STPG4: variants seen among roughly 807,000 people sequenced by gnomAD.
The protein encoded by STPG4 is sperm-tail PG-rich repeat containing 4, also known as protein STPG4.
STPG4 carries 41 observed loss-of-function variants against 31.5 expected under a neutral mutation model. The observed-to-expected ratio is 1.30, with a 90% CI of 1.01 to 1.69. STPG4 has a LOEUF of 1.69. STPG4 is among the 40% of genes most tolerant of loss of function. The probability of loss-of-function intolerance (pLI) is 0.00; values close to 1 mark genes in which losing one functional copy is unlikely to be tolerated. For synonymous variants in STPG4, 141 were observed against 103.0 expected, an observed-to-expected ratio of 1.37 and a Z score of -2.24; for missense variants, 375 against 293.4, an observed-to-expected ratio of 1.28 and a Z score of -2.03.
intron 3 of STPG4, among the ~76,000 whole-genome samples, chr2:47,130,817 A>AT (rs928508864): frequency 1.9e-4 from 28 of 150,632 alleles, no homozygotes; most frequent in African/African-American, 4.4e-4. Context: ...GCCCAGCCAC[A>AT]TTTTTTTTTC....
In STPG4 at chr2:47,151,250, C is replaced by G. The variant is rs201285755; in HGVS notation, c.399+8G>C. ...CCCACACAAAGCAATCTGCCAGTAGCGCTTTACCTGATCTTTGTCAACTAG... is the reference window on the plus strand; with the variant it reads ...CCCACACAAAGCAATCTGCCAGTAGGGCTTTACCTGATCTTTGTCAACTAG... On this transcript the variant is annotated splice_region_variant and intron_variant, in intron 3 of 6. Transcript: ENST00000445927. The G allele has an allele frequency of 1.2e-6, 2 of 1,613,792 alleles. No individual in the cohort carries two copies. The highest frequency in any genetic ancestry group is 1.7e-5 in the Admixed American group (1 of 59,988).
At chr2:47,134,368 T>A (rs555237942) in intron 3 of STPG4, among the ~76,000 whole-genome samples, 1 of 152,184 alleles carries the variant, frequency 6.6e-6, no homozygotes, top group South Asian at 2.1e-4. Flanking sequence ...TATCCCTCCC[T>A]CCCCTCAACC....
intron 5 of STPG4, among the ~76,000 whole-genome samples, chr2:47,109,791 T>C (rs1196678292): frequency 6.6e-6 from 1 of 152,176 alleles, no homozygotes. Context: ...AACTATCAGC[T>C]TAGTTTTTAA....
intron 5 of STPG4, among the ~76,000 whole-genome samples, chr2:47,124,085 C>G (rs1686321497): frequency 6.6e-6 from 1 of 152,108 alleles, no homozygotes; most frequent in African/African-American, 2.4e-5. Context: ...CAGGTTCTAG[C>G]AATTCTCCTG....
intron 5 of STPG4, among the ~76,000 whole-genome samples, chr2:47,096,790 A>C (rs146947247): frequency 6.6e-6 from 1 of 152,246 alleles, no homozygotes; most frequent in East Asian, 1.9e-4. Flanking sequence ...CAGGGTGCCT[A>C]CAATCTAGTT....
Position 47,152,994 on chromosome 2 carries a change from G to A in STPG4, c.104C>T (p.Ser35Phe). 1 of 1,612,136 alleles carries A rather than the reference G, an allele frequency of 6.2e-7. No homozygotes were observed. Among genetic ancestry groups the A allele is most frequent in the African/African-American group, 1.3e-5 (1 of 75,000 alleles). The change falls in exon 2 of 7, where the codon TCT becomes TTT. Residue 35 changes from serine (S) to phenylalanine (F), a missense_variant. Physicochemically the swap from Ser to Phe is radical, Grantham distance 155. Transcript: ENST00000445927. ...TASKPAQKTS[S>F]FEREGWWRIA... is the part of the protein sequence containing the mutation. ...TCTCCACCATCCTTCTCTTTCAAAA[G>A]AGGAAGTCTTTTGGGCTGGTTTCTG...
intron 5 of STPG4, among the ~76,000 whole-genome samples, chr2:47,125,357 G>A (rs1686344982): frequency 6.6e-6 from 1 of 152,118 alleles, no homozygotes; most frequent in Non-Finnish European, 1.5e-5. Flanking sequence ...GGAGGTCGAG[G>A]CTGCAGTGAG....
At chr2:47,096,683 A>G (rs1019573425) in intron 5 of STPG4, among the ~76,000 whole-genome samples, 4 of 152,250 alleles carry the variant, frequency 2.6e-5, no homozygotes, top group Admixed American at 1.3e-4. Context: ...TTAAAAAGTC[A>G]AATCCACAAA....
At chr2:47,145,504 A>G (rs1341680044) in intron 3 of STPG4, among the ~76,000 whole-genome samples, 1 of 152,238 alleles carries the variant, frequency 6.6e-6, no homozygotes, top group Admixed American at 6.5e-5. Context: ...TTTGAGTTGT[A>G]CCAGACTGGT....
At chr2:47,134,140 C>T (rs1686546948) in intron 3 of STPG4, among the ~76,000 whole-genome samples, 1 of 152,006 alleles carries the variant, frequency 6.6e-6, no homozygotes, top group Non-Finnish European at 1.5e-5. Context: ...TCTTTGCTCC[C>T]ACACATGCGT....
chr2:47,092,337 C>CA (rs1280849642), intron 5 of STPG4, among the ~76,000 whole-genome samples: 4 of 148,276 alleles, frequency 2.7e-5, no homozygotes, highest in Non-Finnish European at 6.0e-5. Flanking sequence ...CAAGACCAGC[C>CA]TGGGCAACAT....
chr2:47,126,234 G>A (rs1005340059), intron 5 of STPG4, among the ~76,000 whole-genome samples: 7 of 151,948 alleles, frequency 4.6e-5, no homozygotes, highest in African/African-American at 1.7e-4. Flanking sequence ...TTAAGTTTTA[G>A]GGTTCTTTCT....
chr2:47,140,287 G>C (rs1686676911), intron 3 of STPG4, among the ~76,000 whole-genome samples: 1 of 152,124 alleles, frequency 6.6e-6, no homozygotes, highest in Admixed American at 6.5e-5. Context: ...GGCAGGCCTT[G>C]TTAGTAAGAG....
chr2:47,094,029 G>A (rs1232249778), intron 5 of STPG4, among the ~76,000 whole-genome samples: 1 of 152,142 alleles, frequency 6.6e-6, no homozygotes, highest in African/African-American at 2.4e-5. Flanking sequence ...AAAACAAGAG[G>A]GACATTTGAA....
intron 5 of STPG4, among the ~76,000 whole-genome samples, chr2:47,105,190 C>G (rs1685885596): frequency 6.6e-6 from 1 of 151,942 alleles, no homozygotes; most frequent in African/African-American, 2.4e-5. Context: ...CGGGATAGCT[C>G]TTGGAGTCCT....
intron 5 of STPG4, among the ~76,000 whole-genome samples, chr2:47,107,811 C>CTG (rs1234727266): frequency 6.6e-6 from 1 of 152,012 alleles, no homozygotes; most frequent in Non-Finnish European, 1.5e-5. Context: ...AATCAGCACT[C>CTG]TATCTAGCTC....
chr2:47,096,906 T>A (rs753609907), intron 5 of STPG4, among the ~76,000 whole-genome samples: 24 of 152,056 alleles, frequency 1.6e-4, no homozygotes, highest in Non-Finnish European at 3.1e-4. Flanking sequence ...GAATTCAATA[T>A]GAAATGAGTG....
Position 47,106,701 on chromosome 2 carries a change from T to C in STPG4, c.520-16327A>G, listed in dbSNP as rs6739257. ...CCGCCCGGCGTTTACAGGAAAACGC[T>C]TCTGAAATCAGACAATGCCTTTCAA... On this transcript the variant is annotated intron_variant, in intron 5 of 6. Coordinates refer to ENST00000445927, the MANE Select transcript of STPG4 (RefSeq NM_001163561.2). 5.1e-3 allele frequency among the ~76,000 whole-genome samples: 780 copies of C among 152,028 alleles called. 24 individuals are homozygous for C. Among genetic ancestry groups the C allele is most frequent in the African/African-American group, 0.018 (737 of 41,350 alleles).
chr2:47,145,833 T>G (rs757044138), intron 3 of STPG4, among the ~76,000 whole-genome samples: 2 of 152,192 alleles, frequency 1.3e-5, no homozygotes, highest in African/African-American at 2.4e-5. Context: ...AAAGTGCAAG[T>G]AAATTATATA....
Sources: gnomAD v4.1 joint callset for allele counts (sites outside exome capture counted in the v4.1 genomes callset) on GRCh38, gnomAD v4.1.1 for gene constraint, MANE v1.5 for transcripts, NCBI Gene and HGNC (gene_info 2026-07-23, HGNC 2026-07-21) for gene names.